KIDINS220: variants seen among roughly 807,000 people sequenced by gnomAD.
KIDINS220 encodes kinase D-interacting substrate of 220 kDa.
In KIDINS220, 63 loss-of-function variants were observed where a neutral mutation model predicts 157.6. The observed-to-expected ratio is 0.40, with a 90% confidence interval of 0.33 to 0.49. KIDINS220 has a LOEUF of 0.49. Among genes scored for constraint, KIDINS220 ranks in the 20% least tolerant of loss-of-function variants. KIDINS220 has a pLI of 0.66. For missense variants in KIDINS220, 1,772 were observed against 2,171.2 expected (o/e 0.82, Z 3.65); for synonymous variants, 732 against 783.6 (o/e 0.93, Z 1.10).
chr2:8,831,488 C>A (rs1330456993), intron 1 of KIDINS220, among the ~76,000 whole-genome samples: 1 of 152,188 alleles, frequency 6.6e-6, no homozygotes, highest in Non-Finnish European at 1.5e-5. Context: ...CAGCTCCTAC[C>A]CATCCTTAAG....
chr2:8,833,977 G>T (rs1021073273), intron 1 of KIDINS220, among the ~76,000 whole-genome samples: 2 of 152,262 alleles, frequency 1.3e-5, no homozygotes, highest in Middle Eastern at 3.4e-3. Context: ...ATAGTGCCAT[G>T]CTGCCCAAGG....
intron 26 of KIDINS220, among the ~76,000 whole-genome samples, chr2:8,744,384 A>AT (rs1666165253): frequency 1.1e-4 from 3 of 27,920 alleles, no homozygotes; most frequent in Non-Finnish European, 1.7e-4. Flanking sequence ...AAAAAAAAAA[A>AT]AAAAATATAT....
At chr2:8,734,808 A>T in intron 27 of KIDINS220, 55 bp from the exon 28 acceptor site, 12 of 1,254,742 alleles carry the variant, frequency 9.6e-6, no homozygotes, top group Non-Finnish European at 1.1e-5. Context: ...AAATATTCTG[A>T]ATTACTAGTG....
chr2:8,791,461 A>G (rs1673172846), intron 12 of KIDINS220, among the ~76,000 whole-genome samples: 1 of 152,214 alleles, frequency 6.6e-6, no homozygotes, highest in Non-Finnish European at 1.5e-5. Flanking sequence ...ATATTCTTAA[A>G]TTACTATCAT....
chr2:8,735,924 C>T (rs529295049), intron 27 of KIDINS220, among the ~76,000 whole-genome samples: 22 of 152,250 alleles, frequency 1.4e-4, no homozygotes, highest in Admixed American at 9.8e-4. Flanking sequence ...ACAAAGGACT[C>T]GTGTGGGAGA....
intron 6 of KIDINS220, among the ~76,000 whole-genome samples, chr2:8,810,234 G>T (rs577923654): frequency 1.3e-5 from 2 of 152,236 alleles, no homozygotes; most frequent in African/African-American, 4.8e-5. Flanking sequence ...CTGACCCTGG[G>T]CCTTTGCATT....
intron 22 of KIDINS220, among the ~76,000 whole-genome samples, chr2:8,768,989 A>G (rs529185961): frequency 1.3e-5 from 2 of 152,340 alleles, no homozygotes; most frequent in East Asian, 3.8e-4. Context: ...AGACTTAAAT[A>G]TACCTATTTC....
At chr2:8,810,506 C>T (rs1247602775) in intron 6 of KIDINS220, among the ~76,000 whole-genome samples, 11 of 152,214 alleles carry the variant, frequency 7.2e-5, no homozygotes, top group Admixed American at 7.2e-4. Flanking sequence ...ACATCACAGG[C>T]TGGGCGTGGT....
chr2:8,780,629 G>A (rs1207099416), intron 17 of KIDINS220, among the ~76,000 whole-genome samples: 1 of 151,896 alleles, frequency 6.6e-6, no homozygotes, highest in Non-Finnish European at 1.5e-5. Context: ...TGATACAAGG[G>A]ACGGGAGAGA....
In KIDINS220 at chr2:8,734,773, A is replaced by ATTTTTGTT; in HGVS notation, c.3718-21_3718-20insAACAAAAA. 6.6e-7 allele frequency: 1 copy of ATTTTTGTT among 1,510,780 alleles called. No individual in the cohort carries two copies. The highest frequency in any genetic ancestry group is 1.7e-5 in the Admixed American group (1 of 58,472). The allele number at this position is 1,510,780 out of a possible 1,614,324, so 93.6% of individuals were successfully genotyped here. On this transcript the variant is annotated intron_variant, in intron 27 of 29. Coordinates refer to ENST00000256707, the MANE Select transcript of KIDINS220 (RefSeq NM_020738.4). ...GTTTGCCTGAGTAAAAATTAAAACA[A>ATTTTTGTT]TTATGGGTATAAAGACAGAATGTGA...
intron 25 of KIDINS220, 166 bp downstream of exon 25, chr2:8,747,721 A>C (rs1662178163): frequency 2.4e-6 from 1 of 408,292 alleles, no homozygotes; most frequent in Non-Finnish European, 4.2e-6. Flanking sequence ...ATAGATATTT[A>C]CCAGAAATGA....
At position 8,757,735 on chromosome 2, in the gene KIDINS220, C is replaced by A. The variant is rs760284902; in HGVS notation, c.3012-6091G>T. 9.3e-6 allele frequency: 15 copies of A among 1,612,322 alleles called. No individual in the cohort carries two copies. The Admixed American group carries it at 1.2e-4, about 13-fold the overall frequency. On this transcript the variant is annotated intron_variant, in intron 22 of 29. Transcript: ENST00000256707. ...CTCTCCATCAACATGGCAACTAACA[C>A]TGACTTGGAAATGCCAATTCGGTCT...
At chr2:8,797,525 T>C (rs1386617415) in intron 10 of KIDINS220, among the ~76,000 whole-genome samples, 1 of 152,214 alleles carries the variant, frequency 6.6e-6, no homozygotes, top group East Asian at 1.9e-4. Flanking sequence ...AGAAATTTTC[T>C]ATCCTGGGGT....
intron 10 of KIDINS220, 71 bp downstream of exon 10, chr2:8,798,131 A>G (rs975814145): frequency 1.2e-6 from 1 of 863,656 alleles, no homozygotes; most frequent in African/African-American, 1.7e-5. Flanking sequence ...AACAAAGACG[A>G]CTGAAATAAA....
At chr2:8,732,856 T>C (rs944829328) in intron 29 of KIDINS220, among the ~76,000 whole-genome samples, 12 of 152,160 alleles carry the variant, frequency 7.9e-5, no homozygotes, top group Non-Finnish European at 1.3e-4. Flanking sequence ...CTTTTCCTCC[T>C]GCGCTCTCCT....
In KIDINS220 at chr2:8,733,615, G is replaced by C. The variant is rs1398468687; in HGVS notation, c.3882C>G (p.Ser1294Arg). 6.2e-7 allele frequency: 1 copy of C among 1,612,044 alleles called. No homozygotes were observed. Among genetic ancestry groups the C allele is most frequent in the Non-Finnish European group, 8.5e-7 (1 of 1,178,520 alleles). ...CACCGTGCGGGGCTGGGCCACTGCT[G>C]CTCTCACTGAGGAAACGTGGGTCTT... ...VPEDPRFLSE[S>R]SSGPAPHGEP... Residue 1294 changes from serine to arginine, a missense_variant, in exon 29 of 30, where the codon AGC becomes AGG. Physicochemically the swap from Ser to Arg is moderately radical, Grantham distance 110. This residue lies in a region of KIDINS220 where 793 missense variants were observed against 885.5 expected (regional missense o/e 0.90). Coordinates refer to ENST00000256707, the MANE Select transcript of KIDINS220 (RefSeq NM_020738.4).
chr2:8,779,338 C>T (rs1312892257), intron 18 of KIDINS220, among the ~76,000 whole-genome samples, 199 bp from the exon 19 acceptor site: 1 of 152,124 alleles, frequency 6.6e-6, no homozygotes, highest in Non-Finnish European at 1.5e-5. Flanking sequence ...TAGATAAAAC[C>T]TGCAAAGAAA....
In KIDINS220 at chr2:8,813,286, A is replaced by G; in HGVS notation, c.356T>C (p.Val119Ala). Reference protein sequence around the residue: ...MWACYKGRTDVVELLLSHGAN... With the variant: ...MWACYKGRTDAVELLLSHGAN... ...ACCATGAGAAAGAAGCAACTCTACTACGTCAGTACGGCCTTTGTAACATGC... is the reference window on the plus strand; with the variant it reads ...ACCATGAGAAAGAAGCAACTCTACTGCGTCAGTACGGCCTTTGTAACATGC... The change falls in exon 5 of 30, where the codon GTA becomes GCA. Residue 119 changes from valine (V) to alanine (A), a missense_variant. Around this residue, in one of 3 missense-constraint regions of KIDINS220, gnomAD observed 254 missense variants for 268.6 expected, o/e 0.95. Coordinates refer to ENST00000256707, the MANE Select transcript of KIDINS220 (RefSeq NM_020738.4). 1 of 1,613,684 alleles carries G rather than the reference A, an allele frequency of 6.2e-7. No individual in the cohort carries two copies. Among genetic ancestry groups the G allele is most frequent in the Non-Finnish European group, 8.5e-7 (1 of 1,179,846 alleles).
In KIDINS220 at chr2:8,798,211, T is replaced by C. The variant is rs1470526107; in HGVS notation, c.990A>G (p.Ile330Met). 4 of 1,596,582 alleles carry C rather than the reference T, an allele frequency of 2.5e-6. No individual in the cohort carries two copies. Among genetic ancestry groups the C allele is most frequent in the Non-Finnish European group, 3.4e-6 (4 of 1,164,400 alleles). Residue 330 changes from isoleucine (I) to methionine (M), a missense_variant, in exon 10 of 30, where the codon ATA becomes ATG. Physicochemically the swap from Ile to Met is conservative, Grantham distance 10 (BLOSUM62 1). Around this residue, in one of 3 missense-constraint regions of KIDINS220, gnomAD observed 725 missense variants for 1,017.1 expected, o/e 0.71. Coordinates refer to ENST00000256707, the MANE Select transcript of KIDINS220 (RefSeq NM_020738.4). ...GAAATGCCATTTATACCTTTGTGCA[T>C]ATTTCAGTGTCAGGATTGCACTGTA... ...DILQCNPDTE[I>M]CTKDGETPLI... is the part of the protein sequence containing the mutation.
Sources: allele counts gnomAD v4.1 joint callset (sites outside exome capture counted in the v4.1 genomes callset), GRCh38; gene constraint gnomAD v4.1.1; regional missense constraint gnomAD v4.1.1; transcripts MANE v1.5; gene names NCBI Gene and HGNC (gene_info 2026-07-23, HGNC 2026-07-21).